The following EVI5 variants were observed in gnomAD, a reference collection of about 807,000 sequenced individuals.
EVI5 encodes the protein ecotropic viral integration site 5 protein homolog.
In EVI5, 73 loss-of-function variants were observed where a neutral mutation model predicts 112.0. The ratio of observed to expected loss-of-function variants is 0.65; its 90% CI spans 0.54 to 0.79. The LOEUF is 0.79. Ranked by LOEUF, EVI5 falls within the 30% of genes least tolerant of loss-of-function variation. EVI5 has a pLI of 0.00. For missense variants in EVI5, 900 were observed against 968.8 expected, an observed-to-expected ratio of 0.93 and a Z score of 0.94; for synonymous variants, 305 against 319.9, an observed-to-expected ratio of 0.95 and a Z score of 0.50.
At chr1:92,644,335 A>G (rs1446524036) in intron 13 of EVI5, among the ~76,000 whole-genome samples, 2 of 152,252 alleles carry the variant, frequency 1.3e-5, no homozygotes, top group Non-Finnish European at 2.9e-5. Flanking sequence ...AGACAAATCT[A>G]GAATATGAAA....
intron 1 of EVI5, among the ~76,000 whole-genome samples, chr1:92,748,071 G>A (rs770372914): frequency 1.1e-4 from 17 of 152,090 alleles, no homozygotes; most frequent in Admixed American, 6.6e-4. Context: ...TCTTTTTGAA[G>A]GACACAATCC....
At chr1:92,596,533 T>C (rs1647929001) in intron 18 of EVI5, among the ~76,000 whole-genome samples, 1 of 152,164 alleles carries the variant, frequency 6.6e-6, no homozygotes, top group African/African-American at 2.4e-5. Flanking sequence ...CCTGGAATAA[T>C]TAAAGTTGTT....
chr1:92,559,163 T>C (rs1285512568), intron 19 of EVI5, among the ~76,000 whole-genome samples: 1 of 152,220 alleles, frequency 6.6e-6, no homozygotes, highest in Non-Finnish European at 1.5e-5. Context: ...ACTGTTATAC[T>C]GTATTGTTTA....
chr1:92,563,566 T>C (rs1227161855), intron 19 of EVI5, 76 bp downstream of exon 19: 7 of 687,082 alleles, frequency 1.0e-5, no homozygotes, highest in South Asian at 7.9e-5. Flanking sequence ...GTCAGTCTTA[T>C]AACCAGTAAT....
intron 2 of EVI5, among the ~76,000 whole-genome samples, chr1:92,709,288 C>A (rs1041240085): frequency 6.6e-6 from 1 of 152,058 alleles, no homozygotes; most frequent in Non-Finnish European, 1.5e-5. Context: ...TATATACATT[C>A]TTTGAAATTC....
upstream of EVI5, among the ~76,000 whole-genome samples, chr1:92,789,410 CT>C (rs999457571): frequency 6.6e-6 from 1 of 152,036 alleles, no homozygotes; most frequent in African/African-American, 2.4e-5. Context: ...TCACGCCATT[CT>C]CCTGCCTCAG....
intron 2 of EVI5, among the ~76,000 whole-genome samples, chr1:92,736,152 T>G (rs1345779924): frequency 6.6e-6 from 1 of 151,954 alleles, no homozygotes; most frequent in Non-Finnish European, 1.5e-5. Context: ...TTTAAAAAAT[T>G]GATAAAATTC....
chr1:92,758,099 T>A (rs1681231604), intron 1 of EVI5, among the ~76,000 whole-genome samples: 1 of 152,032 alleles, frequency 6.6e-6, no homozygotes, highest in Admixed American at 6.6e-5. Context: ...AAGAATAGGA[T>A]ATACATACAA....
chr1:92,747,716 C>A (rs1451214852), intron 1 of EVI5, among the ~76,000 whole-genome samples: 63 of 83,522 alleles, frequency 7.5e-4, no homozygotes, highest in Admixed American at 1.3e-3. Flanking sequence ...TCCATCTCAC[C>A]AAAAAAAAAA....
chr1:92,679,364 C>G (rs185652227), intron 9 of EVI5, among the ~76,000 whole-genome samples: 1 of 152,168 alleles, frequency 6.6e-6, no homozygotes, highest in African/African-American at 2.4e-5. Context: ...CTCCAAAGAG[C>G]TGCAAAACAT....
At chr1:92,621,631 T>G (rs1272052956) in intron 16 of EVI5, among the ~76,000 whole-genome samples, 2 of 152,162 alleles carry the variant, frequency 1.3e-5, no homozygotes, top group African/African-American at 4.8e-5. Context: ...ATAGCTTTAT[T>G]GAGATACAGT....
intron 2 of EVI5, chr1:92,714,102 AG>A (rs1279037664): frequency 1.0e-6 from 1 of 980,088 alleles, no homozygotes; most frequent in Non-Finnish European, 1.2e-6. Context: ...TCAACTTTAA[AG>A]CTATCAATTA....
At position 92,774,935 on chromosome 1, in the gene EVI5, G is replaced by A. The variant is rs186550206; in HGVS notation, c.-82+9901C>T. 2.6e-3 allele frequency among the ~76,000 whole-genome samples: 392 copies of A among 152,202 alleles called. 1 individual carries two copies. Among genetic ancestry groups the A allele is most frequent in the African/African-American group, 9.1e-3 (378 of 41,510 alleles). On this transcript the variant is annotated intron_variant, in intron 1 of 19. Coordinates refer to ENST00000684568, the MANE Select transcript of EVI5 (RefSeq NM_001350197.2). ...TGACACTTTGCAAGCAAACTTAGGG[G>A]GTCACAATCAACAGGTTCTAACAAC... is the stretch of plus-strand genomic sequence containing the variant.
intron 13 of EVI5, chr1:92,647,528 C>T: frequency 1.9e-6 from 1 of 521,548 alleles, no homozygotes; most frequent in Non-Finnish European, 3.6e-6. Context: ...TTGGAAAATT[C>T]TGCAAAATTG....
intron 19 of EVI5, among the ~76,000 whole-genome samples, chr1:92,542,448 G>C (rs777969092): frequency 1.4e-4 from 21 of 152,112 alleles, no homozygotes; most frequent in Admixed American, 9.2e-4. Context: ...CAAACGGTTG[G>C]AATCAACTTC....
intron 13 of EVI5, among the ~76,000 whole-genome samples, chr1:92,650,465 CTT>C (rs34872800): frequency 0.57 from 86,240 of 151,920 alleles, 26,132 homozygotes; most frequent in East Asian, 0.93. Context: ...TGTGAATGGA[CTT>C]TTTTTCTTAA....
intron 1 of EVI5, among the ~76,000 whole-genome samples, chr1:92,743,485 C>G (rs1211943226): frequency 6.6e-6 from 1 of 152,026 alleles, no homozygotes; most frequent in Non-Finnish European, 1.5e-5. Context: ...GTCAAATCCA[C>G]AGAGACAGAA....
chr1:92,530,976 TAAC>T (rs1365644791), intron 19 of EVI5, among the ~76,000 whole-genome samples: 10 of 151,818 alleles, frequency 6.6e-5, no homozygotes, highest in Non-Finnish European at 1.0e-4. Context: ...AAGTGGGTAA[TAAC>T]AAACTCCTCT....
At chr1:92,676,873 T>TA (rs1666831166) in intron 10 of EVI5, among the ~76,000 whole-genome samples, 1 of 152,152 alleles carries the variant, frequency 6.6e-6, no homozygotes, top group South Asian at 2.1e-4. Flanking sequence ...TCTGCAACTT[T>TA]AAAAAACATG....
Sources: allele counts gnomAD v4.1 joint callset (sites outside exome capture counted in the v4.1 genomes callset), GRCh38; gene constraint gnomAD v4.1.1; transcripts MANE v1.5; gene names NCBI Gene and HGNC (gene_info 2026-07-23, HGNC 2026-07-21).